The following R3HDM2 variants were observed in gnomAD, a reference collection of about 807,000 sequenced individuals.
The protein encoded by R3HDM2 is R3H domain containing 2.
A neutral mutation model predicts 124.5 loss-of-function variants in R3HDM2; 38 were observed. The observed-to-expected ratio is 0.31, with a 90% CI of 0.24 to 0.40. The LOEUF is 0.40. Ranked by LOEUF, R3HDM2 falls within the 10% of genes least tolerant of loss-of-function variation. The pLI is 1.00. For missense variants in R3HDM2, 869 were observed against 1,236.9 expected, an observed-to-expected ratio of 0.70 and a Z score of 4.46; for synonymous variants, 391 against 448.0, an observed-to-expected ratio of 0.87 and a Z score of 1.61.
chr12:57,285,933 G>T (rs1478058452), intron 12 of R3HDM2, among the ~76,000 whole-genome samples: 1 of 152,210 alleles, frequency 6.6e-6, no homozygotes, highest in Non-Finnish European at 1.5e-5. Context: ...CCCCAAGACA[G>T]TGATGACCAA....
intron 1 of R3HDM2, among the ~76,000 whole-genome samples, chr12:57,396,557 T>C (rs970389792): frequency 6.6e-6 from 1 of 151,082 alleles, no homozygotes; most frequent in Non-Finnish European, 1.5e-5. Flanking sequence ...GGCAGGTGGA[T>C]CACGAGGTCA....
chr12:57,371,083 C>CTTTTTTTTTTTTTTTTTTTTTTTTTTTTT (rs775839017), intron 2 of R3HDM2, among the ~76,000 whole-genome samples: 1 of 40,898 alleles, frequency 2.4e-5, no homozygotes, highest in African/African-American at 8.6e-5. Context: ...TATACCATTA[C>CTTTTTTTTTTTTTTTTTTTTTTTTTTTTT]TTTTTTTTTT....
intron 14 of R3HDM2, among the ~76,000 whole-genome samples, chr12:57,276,592 A>C (rs898932908): frequency 3.9e-5 from 6 of 152,238 alleles, no homozygotes; most frequent in Non-Finnish European, 8.8e-5. Flanking sequence ...CAAAGGCATA[A>C]GAATGATAAA....
At chr12:57,430,448 T>C (rs1566542162) in intron 1 of R3HDM2, 1 of 904,872 alleles carries the variant, frequency 1.1e-6, no homozygotes, top group Non-Finnish European at 1.3e-6. Context: ...GCAATAGTTT[T>C]TAGGTCACCC....
At chr12:57,385,825 C>T (rs904525530) in intron 2 of R3HDM2, among the ~76,000 whole-genome samples, 11 of 152,148 alleles carry the variant, frequency 7.2e-5, no homozygotes, top group Non-Finnish European at 1.5e-4. Flanking sequence ...TGGGAATCCC[C>T]AAGACTTTCA....
chr12:57,430,676 G>C, intron 1 of R3HDM2, 44 bp downstream of exon 1: 1 of 755,426 alleles, frequency 1.3e-6, no homozygotes, highest in Non-Finnish European at 1.6e-6. Context: ...CCTCCCCACA[G>C]GCCGTCCGGG....
intron 19 of R3HDM2, among the ~76,000 whole-genome samples, chr12:57,260,083 G>A (rs2040279680): frequency 6.6e-6 from 1 of 151,544 alleles, no homozygotes. Flanking sequence ...GGGAAACATG[G>A]TGAAACCCCA....
chr12:57,331,091 T>C (rs2058127130), intron 2 of R3HDM2, among the ~76,000 whole-genome samples: 1 of 152,202 alleles, frequency 6.6e-6, no homozygotes, highest in Admixed American at 6.5e-5. Context: ...CTTTTCTTTC[T>C]TTTTCTTGCC....
intron 2 of R3HDM2, among the ~76,000 whole-genome samples, chr12:57,337,262 C>T (rs1370684261): frequency 6.6e-6 from 1 of 152,044 alleles, no homozygotes; most frequent in Non-Finnish European, 1.5e-5. Flanking sequence ...GCTCAAGTGA[C>T]CTCCTGCCTC....
chr12:57,264,059 ATGG>A, intron 19 of R3HDM2, among the ~76,000 whole-genome samples: 1 of 152,080 alleles, frequency 6.6e-6, no homozygotes, highest in Non-Finnish European at 1.5e-5. Flanking sequence ...CCTGGCCAAC[ATGG>A]TGAACGCCGT....
At chr12:57,335,392 G>A (rs866181611) in intron 2 of R3HDM2, among the ~76,000 whole-genome samples, 10 of 151,150 alleles carry the variant, frequency 6.6e-5, no homozygotes, top group South Asian at 4.2e-4. Flanking sequence ...ATTTTTAGTA[G>A]ACACGGGGTT....
In R3HDM2 at chr12:57,284,019, G is replaced by A. The variant is rs745456605; in HGVS notation, c.976C>T (p.Arg326Cys). The A allele has an allele frequency of 9.3e-6, 15 of 1,611,946 alleles. No homozygotes were observed. The highest frequency in any genetic ancestry group is 4.4e-5 in the South Asian group (4 of 90,960). ...AGTTCGCTGTCTGTGCTGCTCTGGCGGCTGCTTGAGGTGCGGCTCAGTCCT... is the reference window on the plus strand; with the variant it reads ...AGTTCGCTGTCTGTGCTGCTCTGGCAGCTGCTTGAGGTGCGGCTCAGTCCT... ...REGLSRTSSSRQSSTDSELKS... is the reference protein window; with the variant it reads ...REGLSRTSSSCQSSTDSELKS... Residue 326 changes from arginine to cysteine, a missense_variant, in exon 13 of 24, where the codon CGC (arginine) becomes TGC (cysteine). Around this residue, in one of 2 missense-constraint regions of R3HDM2, gnomAD observed 267 missense variants for 447.7 expected, o/e 0.60. Coordinates refer to ENST00000402412, the MANE Select transcript of R3HDM2 (RefSeq NM_001394031.1).
intron 2 of R3HDM2, among the ~76,000 whole-genome samples, chr12:57,345,995 A>T (rs2060046528): frequency 6.6e-6 from 1 of 152,086 alleles, no homozygotes; most frequent in African/African-American, 2.4e-5. Flanking sequence ...CCCAACCTCT[A>T]CCAAAAATAC....
chr12:57,335,782 T>C (rs1428400860), intron 2 of R3HDM2, among the ~76,000 whole-genome samples: 1 of 151,472 alleles, frequency 6.6e-6, no homozygotes, highest in Non-Finnish European at 1.5e-5. Context: ...AGATTATAGG[T>C]GTTAGCCAGG....
In R3HDM2 at chr12:57,296,890, C is replaced by T. The variant is rs2050011989; in HGVS notation, c.561-339G>A. 5 of 228,798 alleles carry T rather than the reference C, an allele frequency of 2.2e-5. No homozygotes were observed. The South Asian group carries it at 3.7e-4, about 17-fold the overall frequency. 14.2% of individuals were successfully genotyped at this position (228,798 alleles called of 1,614,324 possible). ...ACCAGCCTGGTCAACATGGTGAAACCCCGTCTCTACAAAAAATACAAAAAT... is the reference window on the plus strand; with the variant it reads ...ACCAGCCTGGTCAACATGGTGAAACTCCGTCTCTACAAAAAATACAAAAAT... On this transcript the variant is annotated intron_variant, in intron 8 of 23. Coordinates refer to ENST00000402412, the MANE Select transcript of R3HDM2 (RefSeq NM_001394031.1). The surrounding 1 kb of genome is among the most constrained non-coding windows in gnomAD (Gnocchi z 4.5).
At chr12:57,361,991 T>C (rs918071627) in intron 2 of R3HDM2, among the ~76,000 whole-genome samples, 5 of 152,064 alleles carry the variant, frequency 3.3e-5, no homozygotes, top group Middle Eastern at 3.4e-3. Context: ...AAATTAGCCA[T>C]GCGCGGTGGA....
chr12:57,404,046 A>T (rs999202431), intron 1 of R3HDM2, among the ~76,000 whole-genome samples: 60 of 147,620 alleles, frequency 4.1e-4, no homozygotes, highest in African/African-American at 1.3e-3. Context: ...AAAATAAAAT[A>T]AAAAAAGTCC....
intron 4 of R3HDM2, among the ~76,000 whole-genome samples, chr12:57,302,290 G>C (rs1041435212): frequency 6.6e-6 from 1 of 151,514 alleles, no homozygotes; most frequent in African/African-American, 2.4e-5. Context: ...GAAAAGAAAA[G>C]AAAAGAAAAA....
intron 2 of R3HDM2, among the ~76,000 whole-genome samples, chr12:57,349,379 CAAAAAAAAAAAAAAAAAA>C (rs1161831845): frequency 5.2e-5 from 3 of 57,744 alleles, no homozygotes; most frequent in South Asian, 6.3e-4. Flanking sequence ...ACTCCGTCTC[CAAAAAAAAAAAAAAAAAA>C]AAAAAAAAAA....
Sources: allele counts gnomAD v4.1 joint callset (sites outside exome capture counted in the v4.1 genomes callset), GRCh38; gene constraint gnomAD v4.1.1; regional missense constraint gnomAD v4.1.1; non-coding constraint Gnocchi (gnomAD v3.1); transcripts MANE v1.5; gene names NCBI Gene and HGNC (gene_info 2026-07-23, HGNC 2026-07-21).